The following RAB11FIP3 variants were observed in gnomAD, a reference collection of about 807,000 sequenced individuals.
RAB11FIP3 encodes the protein RAB11 family interacting protein 3.
RAB11FIP3 carries 17 observed loss-of-function variants against 77.8 expected under a neutral mutation model. The ratio of observed to expected loss-of-function variants is 0.22; its 90% CI spans 0.15 to 0.33. The LOEUF (loss-of-function observed/expected upper bound fraction) is 0.33. Among genes scored for constraint, RAB11FIP3 ranks in the 10% least tolerant of loss-of-function variants. The probability of loss-of-function intolerance (pLI) is 1.00; values close to 1 mark genes in which losing one functional copy is unlikely to be tolerated. For synonymous variants in RAB11FIP3, 437 were observed against 448.2 expected, an observed-to-expected ratio of 0.98 and a Z score of 0.31; for missense variants, 1,005 against 1,011.2, an observed-to-expected ratio of 0.99 and a Z score of 0.08.
chr16:431,324 A>C lies in RAB11FIP3; in HGVS notation c.714+4604A>C, dbSNP rs184485749. On this transcript the variant is annotated intron_variant, in intron 1 of 13. Transcript: ENST00000262305. Reference sequence around the variant, plus strand: ...TTGTATAAAACAGAAAATGACCAATAATCCCACTATCCTGAGAAAAATAAC... The same window carrying C: ...TTGTATAAAACAGAAAATGACCAATCATCCCACTATCCTGAGAAAAATAAC... Among the ~76,000 whole-genome samples, 29 of 152,246 alleles carry C rather than the reference A, an allele frequency of 1.9e-4. No individual in the cohort carries two copies. In the East Asian group the frequency reaches 3.9e-3, roughly 20 times the overall value.
intron 9 of RAB11FIP3, among the ~76,000 whole-genome samples, chr16:517,240 C>T (rs2032456940): frequency 1.3e-5 from 2 of 152,188 alleles, no homozygotes; most frequent in African/African-American, 2.4e-5. Context: ...ACAGGAAAGT[C>T]TGGGAGACTC....
intron 1 of RAB11FIP3, among the ~76,000 whole-genome samples, chr16:433,034 T>A (rs1438711747): frequency 8.3e-6 from 1 of 119,924 alleles, no homozygotes; most frequent in Non-Finnish European, 1.7e-5. Flanking sequence ...TTATCTTTTT[T>A]TTTTTTTTTT....
chr16:488,557 C>T (rs527737888), intron 4 of RAB11FIP3, among the ~76,000 whole-genome samples: 1 of 151,992 alleles, frequency 6.6e-6, no homozygotes, highest in African/African-American at 2.4e-5. Flanking sequence ...TACAGTCGTG[C>T]GCATCCATGC....
At chr16:497,092 G>A in intron 6 of RAB11FIP3, 1 of 552,402 alleles carries the variant, frequency 1.8e-6, no homozygotes, top group Non-Finnish European at 3.0e-6. Context: ...AGAGCTTTTG[G>A]TGCTGGGCCT....
At chr16:431,543 T>G (rs578159430) in intron 1 of RAB11FIP3, among the ~76,000 whole-genome samples, 1 of 151,852 alleles carries the variant, frequency 6.6e-6, no homozygotes, top group Admixed American at 6.6e-5. Context: ...CCTGGCTAAT[T>G]TTTATATTTT....
At chr16:437,779 T>C (rs2055155593) in intron 1 of RAB11FIP3, among the ~76,000 whole-genome samples, 2 of 152,162 alleles carry the variant, frequency 1.3e-5, no homozygotes, top group Non-Finnish European at 2.9e-5. Flanking sequence ...AAAAGAATTG[T>C]ACTAATTGCA....
chr16:486,084 GGTAGAGATAGGGTTTCGCCA>G (rs1472391524), intron 4 of RAB11FIP3, among the ~76,000 whole-genome samples: 10 of 152,156 alleles, frequency 6.6e-5, no homozygotes, highest in Non-Finnish European at 1.0e-4. Context: ...TTGTATTTTT[GGTAGAGATAGGGTTTCGCCA>G]TATTGGCCAG....
intron 6 of RAB11FIP3, among the ~76,000 whole-genome samples, chr16:499,552 C>T (rs973492590): frequency 1.3e-5 from 2 of 152,190 alleles, no homozygotes; most frequent in Non-Finnish European, 2.9e-5. Context: ...AATCCCAGCA[C>T]ATTGGGAAGC....
At chr16:482,764 A>T (rs751975561) in intron 4 of RAB11FIP3, 28 bp downstream of exon 4, 2 of 1,563,004 alleles carry the variant, frequency 1.3e-6, no homozygotes, top group Admixed American at 1.9e-5. Context: ...GGCCTCCTGG[A>T]GAGGCCTTGG....
chr16:481,612 G>A (rs1166735100), intron 3 of RAB11FIP3, among the ~76,000 whole-genome samples: 172 of 106,222 alleles, frequency 1.6e-3, no homozygotes, highest in Middle Eastern at 6.8e-3. Context: ...AAGCTCCTCC[G>A]TCAGTCTCTT....
At chr16:477,612 C>T (rs1255129995) in intron 3 of RAB11FIP3, 23 of 985,234 alleles carry the variant, frequency 2.3e-5, no homozygotes, top group Non-Finnish European at 2.4e-5. Context: ...CCTGAGTGGG[C>T]CCTGGGCCCT....
intron 2 of RAB11FIP3, among the ~76,000 whole-genome samples, chr16:462,322 A>C (rs994840596): frequency 1.3e-5 from 2 of 152,144 alleles, no homozygotes; most frequent in Non-Finnish European, 2.9e-5. Context: ...TCCGGGTTCA[A>C]GCGATTCTCC....
chr16:433,741 A>G (rs2055080618), intron 1 of RAB11FIP3, among the ~76,000 whole-genome samples: 1 of 151,392 alleles, frequency 6.6e-6, no homozygotes, highest in South Asian at 2.1e-4. Flanking sequence ...CTGTAGACCC[A>G]CCTACTTGGG....
intron 3 of RAB11FIP3, among the ~76,000 whole-genome samples, chr16:473,786 G>A (rs1248077520): frequency 6.6e-6 from 1 of 152,138 alleles, no homozygotes; most frequent in African/African-American, 2.4e-5. Flanking sequence ...GTTCACTCTT[G>A]GTGGTGTGTA....
rs1432990644 is a variant in RAB11FIP3 at position 472,504 on chromosome 16, AC to A, written c.903+1119del. Among the ~76,000 whole-genome samples, 1 of 151,972 alleles carries A rather than the reference AC, an allele frequency of 6.6e-6. No homozygotes were observed. Among genetic ancestry groups the A allele is most frequent in the Non-Finnish European group, 1.5e-5 (1 of 68,006 alleles). On this transcript the variant is annotated intron_variant, in intron 3 of 13. Transcript: ENST00000262305. The surrounding 1 kb of genome is among the most constrained non-coding windows in gnomAD (Gnocchi z 4.1). Reference sequence around the variant, plus strand: ...TGCAGTGTGCAGAACGTGCTGGGAGACCCCAGGACTACAGACGGTGGCTCCT... The same window carrying A: ...TGCAGTGTGCAGAACGTGCTGGGAGACCCAGGACTACAGACGGTGGCTCCT...
intron 2 of RAB11FIP3, among the ~76,000 whole-genome samples, chr16:462,113 C>T (rs2055617232): frequency 6.6e-6 from 1 of 152,370 alleles, no homozygotes; most frequent in South Asian, 2.1e-4. Flanking sequence ...GCCTGTCACG[C>T]ACATCACTGT....
At chr16:446,323 G>A (rs946682243) in intron 1 of RAB11FIP3, among the ~76,000 whole-genome samples, 22 of 152,210 alleles carry the variant, frequency 1.4e-4, no homozygotes, top group Admixed American at 1.4e-3. Context: ...TTGTCTATGT[G>A]AAGCAGAACA....
At position 426,001 on chromosome 16, in the gene RAB11FIP3, G is replaced by A; in HGVS notation, c.-6G>A. 5 of 985,414 alleles carry A rather than the reference G, an allele frequency of 5.1e-6. No individual in the cohort carries two copies. Among genetic ancestry groups the A allele is most frequent in the Non-Finnish European group, 6.0e-6 (5 of 829,920 alleles). The allele number at this position is 985,414 out of a possible 1,614,324, so 61.0% of individuals were successfully genotyped here. On this transcript the variant is annotated 5_prime_UTR_variant, in exon 1 of 14. Transcript: ENST00000262305. This position sits in a 1 kb window ranked among gnomAD's most constrained non-coding sequence, Gnocchi z 5.0. ...CGCCCTTCCGCACCACTAGCCTCTC[G>A]GGAGCATGGCGTCGGCCCCGCCGGC...
Position 471,498 on chromosome 16 carries a change from G to A in RAB11FIP3, c.903+109G>A, listed in dbSNP as rs766162747. 341 of 956,030 alleles carry A rather than the reference G, an allele frequency of 3.6e-4. No homozygotes were observed. The highest frequency in any genetic ancestry group is 8.6e-4 in the Middle Eastern group (4 of 4,678). The allele number at this position is 956,030 out of a possible 1,614,324, so 59.2% of individuals were successfully genotyped here. On this transcript the variant is annotated intron_variant, in intron 3 of 13. Coordinates refer to ENST00000262305, the MANE Select transcript of RAB11FIP3 (RefSeq NM_014700.4). This position sits in a 1 kb window ranked among gnomAD's most constrained non-coding sequence, Gnocchi z 4.4. ...CGGGCTGTCTTCCGTAGAAGCTGGC[G>A]TGAAGGAAGGGCCTCCCGCCCTGTG...
Sources: allele counts gnomAD v4.1 joint callset (sites outside exome capture counted in the v4.1 genomes callset), GRCh38; gene constraint gnomAD v4.1.1; non-coding constraint Gnocchi (gnomAD v3.1); transcripts MANE v1.5; gene names NCBI Gene and HGNC (gene_info 2026-07-23, HGNC 2026-07-21).